Variants in TBC1D20 observed in about 807,000 individuals in gnomAD.
TBC1D20 encodes the protein TBC1 domain family member 20.
TBC1D20 carries 12 observed loss-of-function variants against 41.6 expected under a neutral mutation model. That is an observed-to-expected ratio of 0.29 (90% CI 0.18 to 0.47). The LOEUF (loss-of-function observed/expected upper bound fraction) is 0.47, where lower values mean the gene tolerates loss of function less well. Ranked by LOEUF, TBC1D20 falls within the 20% of genes least tolerant of loss-of-function variation. The probability of loss-of-function intolerance (pLI) is 1.00; values close to 1 mark genes in which losing one functional copy is unlikely to be tolerated. For missense variants in TBC1D20, 421 were observed against 517.4 expected (o/e 0.81, Z 1.81); for synonymous variants, 205 against 204.8 (o/e 1.00, Z -0.01).
intron 1 of TBC1D20, among the ~76,000 whole-genome samples, chr20:459,145 T>C (rs2017590173): frequency 6.6e-6 from 1 of 152,152 alleles, no homozygotes; most frequent in South Asian, 2.1e-4. Context: ...GTTAGCAGCG[T>C]CTCCACTGAA....
chr20:439,021 C>T lies in TBC1D20; in HGVS notation c.956+87G>A. ...AGCTCAGATCTCTGGAAACATGCCC[C>T]AACCCTATCCCACCAGACACAAACC... On this transcript the variant is annotated intron_variant, in intron 7 of 7. Coordinates refer to ENST00000354200, the MANE Select transcript of TBC1D20 (RefSeq NM_144628.4). The surrounding 1 kb of genome is among the most constrained non-coding windows in gnomAD (Gnocchi z 4.6). The T allele has an allele frequency of 6.6e-7, 1 of 1,514,022 alleles. No individual in the cohort carries two copies. The highest frequency in any genetic ancestry group is 8.9e-7 in the Non-Finnish European group (1 of 1,119,850). 93.8% of individuals were successfully genotyped at this position (1,514,022 alleles called of 1,614,324 possible).
chr20:458,885 C>T (rs560403192), intron 1 of TBC1D20, among the ~76,000 whole-genome samples: 2 of 152,156 alleles, frequency 1.3e-5, no homozygotes, highest in Admixed American at 6.5e-5. Flanking sequence ...GCTGTCCCAA[C>T]GTGGATTTCG....
intron 1 of TBC1D20, chr20:450,692 C>T (rs1208109206): frequency 6.6e-6 from 1 of 152,234 alleles, no homozygotes; most frequent in African/African-American, 2.4e-5. Context: ...CTATTTACAA[C>T]TCATTGATTA....
Position 462,441 on chromosome 20 carries a change from T to G in TBC1D20, c.-36A>C. ...CCCGGGCCCCCACCCGAGCCCCGGC[T>G]GGTGGCGGAGCCGGGAGAAGACGCG... On this transcript the variant is annotated 5_prime_UTR_variant, in exon 1 of 8. Transcript: ENST00000354200. 3.4e-6 allele frequency: 4 copies of G among 1,165,916 alleles called. No individual in the cohort carries two copies. The highest frequency in any genetic ancestry group is 4.3e-6 in the Non-Finnish European group (4 of 929,702). 72.2% of individuals were successfully genotyped at this position (1,165,916 alleles called of 1,614,324 possible). A position where few individuals can be genotyped will look rare whatever the true frequency, so the allele number is the denominator to read the frequency against.
chr20:439,332 A>G lies in TBC1D20; in HGVS notation c.769-37T>C, dbSNP rs1485541930. 1.9e-6 allele frequency: 3 copies of G among 1,542,498 alleles called. No homozygotes were observed. The highest frequency in any genetic ancestry group is 1.9e-5 in the Admixed American group (1 of 53,264). ...TAGTAAAGCCTTGCAGTCAGAGGCC[A>G]GACACACAGGGCCTGGGCCACCTGC... is the stretch of plus-strand genomic sequence containing the variant. On this transcript the variant is annotated intron_variant, in intron 6 of 7. Transcript: ENST00000354200. This position sits in a 1 kb window ranked among gnomAD's most constrained non-coding sequence, Gnocchi z 4.6.
intron 1 of TBC1D20, among the ~76,000 whole-genome samples, chr20:459,199 T>C (rs1367446843): frequency 3.3e-5 from 5 of 152,220 alleles, no homozygotes; most frequent in African/African-American, 1.2e-4. Flanking sequence ...AAGAGAAACA[T>C]CATAGAGCTA....
chr20:439,320 C>A lies in TBC1D20; in HGVS notation c.769-25G>T, dbSNP rs757904232. On this transcript the variant is annotated intron_variant, in intron 6 of 7. Coordinates refer to ENST00000354200, the MANE Select transcript of TBC1D20 (RefSeq NM_144628.4). The surrounding 1 kb of genome is among the most constrained non-coding windows in gnomAD (Gnocchi z 4.6). Reference sequence around the variant, plus strand: ...TCTGTGGGGAGGTAGTAAAGCCTTGCAGTCAGAGGCCAGACACACAGGGCC... The same window carrying A: ...TCTGTGGGGAGGTAGTAAAGCCTTGAAGTCAGAGGCCAGACACACAGGGCC... 5 of 1,571,738 alleles carry A rather than the reference C, an allele frequency of 3.2e-6. No homozygotes were observed. In the Admixed American group the frequency reaches 9.2e-5, roughly 29 times the overall value.
intron 1 of TBC1D20, among the ~76,000 whole-genome samples, chr20:461,530 T>C (rs1419240486): frequency 6.6e-6 from 1 of 152,134 alleles, no homozygotes; most frequent in Admixed American, 6.5e-5. Context: ...CGACTAACTT[T>C]TAAAAACTTT....
At chr20:462,300 G>A (rs1239184581) in intron 1 of TBC1D20, 36 bp downstream of exon 1, 4 of 1,259,900 alleles carry the variant, frequency 3.2e-6, no homozygotes, top group South Asian at 2.2e-5. Flanking sequence ...GGCCGCCCTC[G>A]CAGGCCGCTC....
rs2017147074 is a variant in TBC1D20, at chr20:437,761, TGAG to T, written c.*822_*824del. The T allele has an allele frequency of 6.5e-6, 1 of 153,724 alleles. No individual in the cohort carries two copies. The highest frequency in any genetic ancestry group is 2.1e-4 in the South Asian group (1 of 4,832). The allele number at this position is 153,724 out of a possible 1,614,324, so 9.5% of individuals were successfully genotyped here. On this transcript the variant is annotated 3_prime_UTR_variant, in exon 8 of 8. Coordinates refer to ENST00000354200, the MANE Select transcript of TBC1D20 (RefSeq NM_144628.4). The stretch of plus-strand genomic sequence containing the variant: ...GGATCTTAGAAGCTCATCCTTCTGA[TGAG>T]AACTATTTTTTTTTCCGTGAAGGAA...
Position 438,314 on chromosome 20 carries a change from C to G in TBC1D20, c.*272G>C. The G allele has an allele frequency of 2.2e-6, 1 of 462,738 alleles. No homozygotes were observed. The highest frequency in any genetic ancestry group is 3.7e-5 in the East Asian group (1 of 27,374). The allele number at this position is 462,738 out of a possible 1,614,324, so 28.7% of individuals were successfully genotyped here. On this transcript the variant is annotated 3_prime_UTR_variant, in exon 8 of 8. Coordinates refer to ENST00000354200, the MANE Select transcript of TBC1D20 (RefSeq NM_144628.4). ...AGCTGCAAGCTTCAGAAACCCACTT[C>G]CTCCAACACCAGGGAGGTGGCAGAG...
chr20:444,576 TATTTA>T (rs1186917913), intron 3 of TBC1D20, among the ~76,000 whole-genome samples: 2 of 152,218 alleles, frequency 1.3e-5, no homozygotes, highest in Admixed American at 1.3e-4. Flanking sequence ...TGTTTTTATT[TATTTA>T]TTTTTTTATC....
At chr20:458,069 G>A (rs2017571779) in intron 1 of TBC1D20, among the ~76,000 whole-genome samples, 1 of 152,036 alleles carries the variant, frequency 6.6e-6, no homozygotes, top group Non-Finnish European at 1.5e-5. Context: ...TAACCTATTT[G>A]CTAAGAGTAT....
chr20:448,841 CTTTT>C (rs1157490937), intron 1 of TBC1D20, among the ~76,000 whole-genome samples: 2 of 127,182 alleles, frequency 1.6e-5, no homozygotes, highest in Admixed American at 7.8e-5. Flanking sequence ...ATTACACGTA[CTTTT>C]TTTTTTTTTT....
At chr20:458,775 T>C (rs1002427195) in intron 1 of TBC1D20, among the ~76,000 whole-genome samples, 3 of 152,206 alleles carry the variant, frequency 2.0e-5, no homozygotes, top group African/African-American at 4.8e-5. Context: ...ACATTATTTT[T>C]CCCATACTGT....
chr20:455,833 G>A (rs1242978427), intron 1 of TBC1D20, among the ~76,000 whole-genome samples: 2 of 152,104 alleles, frequency 1.3e-5, no homozygotes, highest in African/African-American at 4.8e-5. Flanking sequence ...TTGGGAGGCT[G>A]AGGCAGGAGA....
At chr20:453,153 C>CAAAAAAAAAA (rs71191943) in intron 1 of TBC1D20, among the ~76,000 whole-genome samples, 13 of 44,858 alleles carry the variant, frequency 2.9e-4, no homozygotes, top group East Asian at 1.1e-3. Flanking sequence ...AACTCCGTTT[C>CAAAAAAAAAA]AAAAAAAAAA....
At chr20:449,591 G>A (rs1206884206) in intron 1 of TBC1D20, among the ~76,000 whole-genome samples, 3 of 151,926 alleles carry the variant, frequency 2.0e-5, no homozygotes, top group Admixed American at 6.6e-5. Flanking sequence ...GTGAGACTCC[G>A]TCTCAAAAAA....
intron 3 of TBC1D20, among the ~76,000 whole-genome samples, chr20:442,597 ATC>A (rs1213745269): frequency 1.3e-5 from 2 of 152,234 alleles, no homozygotes; most frequent in African/African-American, 4.8e-5. Flanking sequence ...TGTGAATAAA[ATC>A]TGTGGATTAA....
Sources: gnomAD v4.1 joint callset for allele counts (sites outside exome capture counted in the v4.1 genomes callset) on GRCh38, gnomAD v4.1.1 for gene constraint, Gnocchi (gnomAD v3.1) non-coding constraint, MANE v1.5 for transcripts, NCBI Gene and HGNC (gene_info 2026-07-23, HGNC 2026-07-21) for gene names.